RBMS3: variants seen among roughly 807,000 people sequenced by gnomAD.
The protein encoded by RBMS3 is RNA binding motif single stranded interacting protein 3, also known as RNA-binding motif, single-stranded-interacting protein 3.
RBMS3 carries 27 observed loss-of-function variants against 66.8 expected under a neutral mutation model. The observed-to-expected ratio is 0.40, with a 90% confidence interval of 0.30 to 0.56. The LOEUF (loss-of-function observed/expected upper bound fraction) is 0.56. RBMS3 is among the 20% of genes least tolerant of loss of function. RBMS3 has a pLI of 0.40. For synonymous variants in RBMS3, 188 were observed against 183.0 expected (o/e 1.03, Z -0.22); for missense variants, 513 against 549.5 (o/e 0.93, Z 0.66).
At chr3:29,964,741 G>A (rs1696717072) in intron 12 of RBMS3, among the ~76,000 whole-genome samples, 1 of 151,950 alleles carries the variant, frequency 6.6e-6, no homozygotes, top group African/African-American at 2.4e-5. Flanking sequence ...TTTTCCATAA[G>A]TTATTGGAGT....
At chr3:29,788,559 C>T (rs1350245582) in intron 6 of RBMS3, among the ~76,000 whole-genome samples, 1 of 152,134 alleles carries the variant, frequency 6.6e-6, no homozygotes, top group Admixed American at 6.6e-5. Flanking sequence ...GAAAAGCTGT[C>T]ACATTACTTT....
At chr3:29,380,424 T>C (rs2125622384) in intron 1 of RBMS3, among the ~76,000 whole-genome samples, 1 of 152,290 alleles carries the variant, frequency 6.6e-6, no homozygotes, top group East Asian at 1.9e-4. Flanking sequence ...AAGCCAGCCA[T>C]GTAAGTTAAA....
rs557001702 is a variant in RBMS3, at chr3:29,781,072, G to A, written c.637+18083G>A. 2.3e-4 allele frequency among the ~76,000 whole-genome samples: 34 copies of A among 150,732 alleles called. 1 individual carries two copies. In the South Asian group the frequency reaches 6.7e-3, roughly 30 times the overall value. ...GTTAGTGTGCTGCACCCATTAACTC[G>A]TCATTTAGCATTAGGTATGTCTCCT... On this transcript the variant is annotated intron_variant, in intron 6 of 14. Coordinates refer to ENST00000383767, the MANE Select transcript of RBMS3 (RefSeq NM_001003793.3).
At chr3:29,532,621 T>G (rs1169961890) in intron 3 of RBMS3, among the ~76,000 whole-genome samples, 1 of 152,038 alleles carries the variant, frequency 6.6e-6, no homozygotes, top group Non-Finnish European at 1.5e-5. Flanking sequence ...TCGTCGCTAC[T>G]CAGGAGGATG....
At position 29,991,077 on chromosome 3, in the gene RBMS3, C is replaced by T. The variant is rs1420744065; in HGVS notation, c.1180-5C>T. The T allele has an allele frequency of 3.1e-6, 5 of 1,613,974 alleles. No individual in the cohort carries two copies. The highest frequency in any genetic ancestry group is 2.2e-5 in the East Asian group (1 of 44,856). On this transcript the variant is annotated splice_region_variant and splice_polypyrimidine_tract_variant and intron_variant, in intron 13 of 14. Coordinates refer to ENST00000383767, the MANE Select transcript of RBMS3 (RefSeq NM_001003793.3). ...AGGCTTTTATGTTCTTATTTGCCTC[C>T]TTAGGGTGTTGTTGCTGATACCTCT...
chr3:29,858,678 G>T (rs943787607), intron 6 of RBMS3, among the ~76,000 whole-genome samples: 1 of 152,116 alleles, frequency 6.6e-6, no homozygotes, highest in African/African-American at 2.4e-5. Flanking sequence ...TTTATGTCCC[G>T]TCTACTTGAA....
intron 1 of RBMS3, among the ~76,000 whole-genome samples, chr3:29,385,840 G>A (rs751541268): frequency 5.9e-5 from 9 of 152,006 alleles, no homozygotes; most frequent in African/African-American, 9.7e-5. Flanking sequence ...CTTTTGGGTC[G>A]TTTGTTCCTA....
chr3:29,520,608 C>T (rs1296338944), intron 3 of RBMS3, among the ~76,000 whole-genome samples: 2 of 151,972 alleles, frequency 1.3e-5, no homozygotes, highest in African/African-American at 2.4e-5. Flanking sequence ...ATCTTCATTT[C>T]GATACATATA....
chr3:29,286,132 C>G (rs1268327927), intron 1 of RBMS3, among the ~76,000 whole-genome samples: 1 of 152,064 alleles, frequency 6.6e-6, no homozygotes, highest in African/African-American at 2.4e-5. Flanking sequence ...AGGTACAACT[C>G]CAAATATTTT....
chr3:29,475,255 T>TC (rs1444953020), intron 2 of RBMS3, among the ~76,000 whole-genome samples: 3 of 151,312 alleles, frequency 2.0e-5, no homozygotes, highest in South Asian at 2.1e-4. Flanking sequence ...TCTTTTCTTT[T>TC]TTTTTTTTTT....
intron 1 of RBMS3, among the ~76,000 whole-genome samples, chr3:29,411,775 C>A (rs1245991415): frequency 6.6e-6 from 1 of 152,148 alleles, no homozygotes; most frequent in Non-Finnish European, 1.5e-5. Flanking sequence ...TATTGCTTTT[C>A]CAGCAAAGAA....
chr3:29,787,390 T>C (rs1008302062), intron 6 of RBMS3, among the ~76,000 whole-genome samples: 14 of 152,166 alleles, frequency 9.2e-5, no homozygotes, highest in Non-Finnish European at 1.6e-4. Context: ...CATGCCTGTT[T>C]ATAGCAGCAA....
intron 10 of RBMS3, among the ~76,000 whole-genome samples, chr3:29,904,244 A>G (rs964935811): frequency 2.6e-5 from 4 of 152,042 alleles, no homozygotes; most frequent in African/African-American, 7.2e-5. Context: ...ATAGAGTATA[A>G]AAGATTTTCC....
intron 10 of RBMS3, among the ~76,000 whole-genome samples, chr3:29,919,321 C>T (rs1463673599): frequency 6.6e-6 from 1 of 152,018 alleles, no homozygotes. Context: ...GCATCTCTTC[C>T]AGGAAGTCAG....
At chr3:29,488,808 T>C (rs2043419916) in intron 3 of RBMS3, among the ~76,000 whole-genome samples, 1 of 152,218 alleles carries the variant, frequency 6.6e-6, no homozygotes, top group Non-Finnish European at 1.5e-5. Context: ...TGCAAATTGA[T>C]TTCCTATATA....
At chr3:29,456,386 G>T (rs186295138) in intron 2 of RBMS3, among the ~76,000 whole-genome samples, 26 of 152,218 alleles carry the variant, frequency 1.7e-4, no homozygotes, top group South Asian at 4.1e-4. Context: ...ATGCATAAAG[G>T]CACATCACGA....
chr3:29,811,343 G>A (rs1053820116), intron 6 of RBMS3, among the ~76,000 whole-genome samples: 2 of 152,098 alleles, frequency 1.3e-5, no homozygotes, highest in African/African-American at 2.4e-5. Context: ...AAGCCCACAC[G>A]GCCTCTGGCA....
intron 3 of RBMS3, among the ~76,000 whole-genome samples, chr3:29,532,885 G>C (rs902679307): frequency 1.3e-5 from 2 of 152,010 alleles, no homozygotes; most frequent in Non-Finnish European, 2.9e-5. Context: ...AATCAGAAAA[G>C]CATGGCTCCT....
chr3:29,709,815 T>A (rs1395655508), intron 4 of RBMS3, among the ~76,000 whole-genome samples: 1 of 152,214 alleles, frequency 6.6e-6, no homozygotes, highest in East Asian at 1.9e-4. Flanking sequence ...TATATTTAAT[T>A]CTTCCTCTAA....
Sources: gnomAD v4.1 joint callset for allele counts (sites outside exome capture counted in the v4.1 genomes callset) on GRCh38, gnomAD v4.1.1 for gene constraint, MANE v1.5 for transcripts, NCBI Gene and HGNC (gene_info 2026-07-23, HGNC 2026-07-21) for gene names.